Variants in LRRTM4 observed in about 807,000 individuals in gnomAD.
LRRTM4 encodes the protein leucine-rich repeat transmembrane neuronal protein 4.
LRRTM4 carries 25 observed loss-of-function variants against 47.6 expected under a neutral mutation model. That is an observed-to-expected ratio of 0.53 (90% CI 0.38 to 0.73). LRRTM4 has a LOEUF of 0.73. Ranked by LOEUF, LRRTM4 falls within the 30% of genes least tolerant of loss-of-function variation. The probability of loss-of-function intolerance (pLI) is 0.00; values close to 1 mark genes in which losing one functional copy is unlikely to be tolerated. For synonymous variants in LRRTM4, 311 were observed against 269.5 expected, an observed-to-expected ratio of 1.15 and a Z score of -1.51; for missense variants, 638 against 713.4, an observed-to-expected ratio of 0.89 and a Z score of 1.20.
At chr2:76,855,154 G>T (rs923769376) in intron 3 of LRRTM4, among the ~76,000 whole-genome samples, 1 of 152,224 alleles carries the variant, frequency 6.6e-6, no homozygotes, top group Non-Finnish European at 1.5e-5. Context: ...GAGCCTGCTT[G>T]CGGAGACATC....
intron 3 of LRRTM4, among the ~76,000 whole-genome samples, chr2:77,322,826 ACTCTCTCT>A (rs61495510): frequency 1.9e-4 from 25 of 133,160 alleles, no homozygotes; most frequent in African/African-American, 6.1e-4. Context: ...AACTACATAA[ACTCTCTCT>A]CTCTCTCTCT....
chr2:77,430,551 G>C (rs989977261), intron 3 of LRRTM4, among the ~76,000 whole-genome samples: 3 of 151,020 alleles, frequency 2.0e-5, no homozygotes, highest in African/African-American at 7.4e-5. Context: ...GAGAAACCCT[G>C]TCTCTACTAA....
chr2:77,208,770 C>T (rs1674211323), intron 3 of LRRTM4, among the ~76,000 whole-genome samples: 1 of 151,982 alleles, frequency 6.6e-6, no homozygotes, highest in African/African-American at 2.4e-5. Flanking sequence ...TAGTTCATTA[C>T]AAAATGCTGA....
chr2:77,172,837 G>A (rs1673087703), intron 3 of LRRTM4, among the ~76,000 whole-genome samples: 1 of 152,126 alleles, frequency 6.6e-6, no homozygotes, highest in Admixed American at 6.5e-5. Flanking sequence ...TGGGGTTACA[G>A]CTTAGTAAAA....
chr2:77,092,482 A>G (rs1160277938), intron 3 of LRRTM4, among the ~76,000 whole-genome samples: 1 of 142,838 alleles, frequency 7.0e-6, no homozygotes. Flanking sequence ...TCTATCCTCA[A>G]GGAAATAACT....
chr2:76,960,568 TACTCAA>T (rs1675822481), intron 3 of LRRTM4, among the ~76,000 whole-genome samples: 4 of 114,906 alleles, frequency 3.5e-5, no homozygotes, highest in Non-Finnish European at 6.4e-5. Context: ...TCAACTCAAA[TACTCAA>T]TTTAGCAAAC....
At chr2:76,907,745 G>T (rs1362231067) in intron 3 of LRRTM4, among the ~76,000 whole-genome samples, 1 of 123,788 alleles carries the variant, frequency 8.1e-6, no homozygotes, top group Non-Finnish European at 1.6e-5. Flanking sequence ...AAATCTAGAA[G>T]AAATGGATAA....
At chr2:77,194,317 G>A (rs988264098) in intron 3 of LRRTM4, among the ~76,000 whole-genome samples, 31 of 152,168 alleles carry the variant, frequency 2.0e-4, no homozygotes, top group African/African-American at 5.5e-4. Context: ...AAGTCCATTT[G>A]ATTTAGGCCT....
intron 3 of LRRTM4, among the ~76,000 whole-genome samples, chr2:77,499,471 A>C (rs1486996862): frequency 6.6e-6 from 1 of 151,832 alleles, no homozygotes; most frequent in Non-Finnish European, 1.5e-5. Context: ...CTGAGATGCA[A>C]AGATATTAAG....
chr2:77,326,310 T>A (rs1321373295), intron 3 of LRRTM4, among the ~76,000 whole-genome samples: 4 of 152,240 alleles, frequency 2.6e-5, no homozygotes, highest in Non-Finnish European at 5.9e-5. Flanking sequence ...TGTTAATCTG[T>A]CTTCTGTTAT....
chr2:76,769,106 T>C (rs1338802272), intron 3 of LRRTM4, among the ~76,000 whole-genome samples: 1 of 152,166 alleles, frequency 6.6e-6, no homozygotes, highest in Admixed American at 6.5e-5. Context: ...AGTGGGGCTA[T>C]AAAGAATGTA....
chr2:77,504,625 G>A (rs528684386), intron 3 of LRRTM4, among the ~76,000 whole-genome samples: 10 of 151,508 alleles, frequency 6.6e-5, no homozygotes, highest in Non-Finnish European at 1.3e-4. Flanking sequence ...AAAACAGAAC[G>A]TTGAGGCATT....
At chr2:76,935,367 GT>G (rs1558748101) in intron 3 of LRRTM4, among the ~76,000 whole-genome samples, 1 of 152,092 alleles carries the variant, frequency 6.6e-6, no homozygotes, top group African/African-American at 2.4e-5. Flanking sequence ...ATTTAAAGTA[GT>G]TTTTTTCAAT....
At chr2:77,488,525 A>G (rs1678014854) in intron 3 of LRRTM4, among the ~76,000 whole-genome samples, 1 of 152,172 alleles carries the variant, frequency 6.6e-6, no homozygotes, top group South Asian at 2.1e-4. Flanking sequence ...GGCACCACTG[A>G]TCACAAAGTT....
At chr2:76,952,268 G>C (rs544530925) in intron 3 of LRRTM4, among the ~76,000 whole-genome samples, 18 of 152,082 alleles carry the variant, frequency 1.2e-4, no homozygotes, top group African/African-American at 4.3e-4. Context: ...ATGGCCTGCA[G>C]ATTTGGAGAA....
At chr2:77,477,775 G>A (rs1256747814) in intron 3 of LRRTM4, among the ~76,000 whole-genome samples, 1 of 147,708 alleles carries the variant, frequency 6.8e-6, no homozygotes, top group South Asian at 2.1e-4. Flanking sequence ...GGAGGTAGAG[G>A]TTGCGGTGAG....
intron 3 of LRRTM4, among the ~76,000 whole-genome samples, chr2:76,901,980 T>C (rs367745234): frequency 6.6e-6 from 1 of 152,234 alleles, no homozygotes; most frequent in African/African-American, 2.4e-5. Flanking sequence ...AATTAACATA[T>C]GTGCCTCTTT....
intron 3 of LRRTM4, among the ~76,000 whole-genome samples, chr2:76,958,210 G>A (rs1675739084): frequency 6.6e-6 from 1 of 151,748 alleles, no homozygotes; most frequent in African/African-American, 2.4e-5. Flanking sequence ...AGAGGGCCAT[G>A]TCATCATAAT....
At chr2:76,923,527 TA>T (rs1205708563) in intron 3 of LRRTM4, among the ~76,000 whole-genome samples, 2 of 152,060 alleles carry the variant, frequency 1.3e-5, no homozygotes, top group South Asian at 2.1e-4. Flanking sequence ...TTCAAATGTA[TA>T]AAAAATAGAA....
Sources: allele counts gnomAD v4.1 joint callset (sites outside exome capture counted in the v4.1 genomes callset), GRCh38; gene constraint gnomAD v4.1.1; transcripts MANE v1.5; gene names NCBI Gene and HGNC (gene_info 2026-07-23, HGNC 2026-07-21).